The following AGTR1 variants were observed in gnomAD, a reference collection of about 807,000 sequenced individuals.
The protein encoded by AGTR1 is type-1 angiotensin II receptor.
AGTR1 carries 16 observed loss-of-function variants against 19.4 expected under a neutral mutation model. That is an observed-to-expected ratio of 0.82 (90% CI 0.56 to 1.25). The LOEUF (loss-of-function observed/expected upper bound fraction) is 1.25. Ranked by LOEUF, AGTR1 falls within the 50% of genes most tolerant of loss-of-function variation. AGTR1 has a pLI of 0.00. For synonymous variants in AGTR1, 153 were observed against 154.9 expected, an observed-to-expected ratio of 0.99 and a Z score of 0.09; for missense variants, 373 against 431.9, an observed-to-expected ratio of 0.86 and a Z score of 1.21.
In AGTR1 at chr3:148,729,969, G is replaced by A. The variant is rs388915; in HGVS notation, c.-47-11020G>A. 0.69 allele frequency: 198,284 copies of A among 287,234 alleles called. 71,346 individuals carry two copies. Among genetic ancestry groups the A allele is most frequent in the East Asian group, 0.84 (15,312 of 18,126 alleles). The allele number at this position is 287,234 out of a possible 1,614,324, so 17.8% of individuals were successfully genotyped here. A position where few individuals can be genotyped will look rare whatever the true frequency, so the allele number is the denominator to read the frequency against. On this transcript the variant is annotated intron_variant, in intron 2 of 2. Coordinates refer to ENST00000349243, the MANE Select transcript of AGTR1 (RefSeq NM_000685.5). ...CAATTTCTCTTACCCAAATTTGCTC[G>A]CAGGGAAAAAAATAAATTAAATTAG...
chr3:148,715,466 C>T (rs1004484935), intron 2 of AGTR1, among the ~76,000 whole-genome samples: 11 of 152,106 alleles, frequency 7.2e-5, no homozygotes, highest in African/African-American at 1.9e-4. Flanking sequence ...TCTGTGATGT[C>T]ATGTCTCCCC....
intron 2 of AGTR1, among the ~76,000 whole-genome samples, chr3:148,714,582 A>G (rs2640543): frequency 0.56 from 84,469 of 151,928 alleles, 25,683 homozygotes; most frequent in East Asian, 0.83. Context: ...AATGGATGCC[A>G]GAACAGGAGA....
At chr3:148,725,091 C>G (rs934590623) in intron 2 of AGTR1, among the ~76,000 whole-genome samples, 5 of 152,106 alleles carry the variant, frequency 3.3e-5, no homozygotes, top group African/African-American at 1.2e-4. Context: ...TAAAAAACAA[C>G]AATTACCACA....
intron 2 of AGTR1, among the ~76,000 whole-genome samples, chr3:148,724,190 G>A (rs12695892): frequency 0.016 from 2,375 of 152,272 alleles, 72 homozygotes; most frequent in African/African-American, 0.055. Flanking sequence ...TAGCTGAGAA[G>A]TGACCCCGTG....
At chr3:148,728,302 A>AT (rs939289203) in intron 2 of AGTR1, among the ~76,000 whole-genome samples, 1 of 152,236 alleles carries the variant, frequency 6.6e-6, no homozygotes, top group African/African-American at 2.4e-5. Context: ...CACTTGGCAC[A>AT]TAGTAAGCAT....
chr3:148,717,078 A>G (rs991701497), intron 2 of AGTR1, among the ~76,000 whole-genome samples: 1 of 152,176 alleles, frequency 6.6e-6, no homozygotes, highest in Admixed American at 6.6e-5. Flanking sequence ...TGGGGGAGCA[A>G]CTGGTGCCCA....
chr3:148,728,868 A>C (rs1258658756), intron 2 of AGTR1, among the ~76,000 whole-genome samples: 2 of 152,196 alleles, frequency 1.3e-5, no homozygotes, highest in South Asian at 4.1e-4. Context: ...GTTTATAAAA[A>C]CTAGAGAGTG....
chr3:148,712,784 G>T (rs1185699971), intron 2 of AGTR1, among the ~76,000 whole-genome samples: 2 of 152,124 alleles, frequency 1.3e-5, no homozygotes, highest in African/African-American at 4.8e-5. Flanking sequence ...GCAGTAATGG[G>T]TCAGCCGTAT....
At chr3:148,698,506 ACT>A (rs1353751283) in intron 1 of AGTR1, among the ~76,000 whole-genome samples, 1 of 152,106 alleles carries the variant, frequency 6.6e-6, no homozygotes. Flanking sequence ...AGCCGGTATG[ACT>A]CTGCAAGGCG....
chr3:148,725,672 G>A (rs982180814), intron 2 of AGTR1, among the ~76,000 whole-genome samples: 15 of 152,140 alleles, frequency 9.9e-5, no homozygotes, highest in South Asian at 2.1e-4. Context: ...TATTAGAGAC[G>A]GGGTTTCACC....
intron 2 of AGTR1, among the ~76,000 whole-genome samples, chr3:148,717,555 A>G (rs1713373731): frequency 6.6e-6 from 1 of 152,212 alleles, no homozygotes. Context: ...CTGTGCTAGT[A>G]TTTAATTATA....
At chr3:148,738,805 C>G (rs1714711473) in intron 2 of AGTR1, among the ~76,000 whole-genome samples, 1 of 152,192 alleles carries the variant, frequency 6.6e-6, no homozygotes, top group Admixed American at 6.5e-5. Context: ...CTGTGAAACT[C>G]TGCAAGGAGC....
chr3:148,714,709 G>C (rs555235625), intron 2 of AGTR1, among the ~76,000 whole-genome samples: 1 of 152,182 alleles, frequency 6.6e-6, no homozygotes, highest in South Asian at 2.1e-4. Context: ...TTTAGTCATC[G>C]ATGACTGGTT....
intron 2 of AGTR1, among the ~76,000 whole-genome samples, chr3:148,710,900 C>T (rs1443656807): frequency 6.6e-6 from 1 of 152,026 alleles, no homozygotes; most frequent in Non-Finnish European, 1.5e-5. Flanking sequence ...GACACCTCCC[C>T]CCTCTCTCTC....
At chr3:148,717,304 A>C (rs540558965) in intron 2 of AGTR1, among the ~76,000 whole-genome samples, 1 of 152,304 alleles carries the variant, frequency 6.6e-6, no homozygotes, top group South Asian at 2.1e-4. Context: ...AATCCAACAA[A>C]AAAAAATAGG....
intron 2 of AGTR1, among the ~76,000 whole-genome samples, chr3:148,720,204 A>G (rs1255028300): frequency 1.3e-5 from 2 of 152,136 alleles, no homozygotes; most frequent in African/African-American, 4.8e-5. Context: ...CATGTGGTAG[A>G]TGTGTAGGAA....
chr3:148,740,506 T>C (rs1195579211), intron 2 of AGTR1, among the ~76,000 whole-genome samples: 1 of 152,236 alleles, frequency 6.6e-6, no homozygotes, highest in Non-Finnish European at 1.5e-5. Flanking sequence ...ATAATCTTTA[T>C]ACCTAAGTAA....
intron 2 of AGTR1, among the ~76,000 whole-genome samples, chr3:148,733,216 A>G (rs1714388584): frequency 2.6e-5 from 4 of 152,208 alleles, no homozygotes; most frequent in African/African-American, 9.7e-5. Context: ...TTCTTCTGCA[A>G]TCAGAACATT....
chr3:148,721,186 C>A (rs561589564), intron 2 of AGTR1, among the ~76,000 whole-genome samples: 1 of 152,100 alleles, frequency 6.6e-6, no homozygotes. Flanking sequence ...TTATCTTGCT[C>A]GGGAGAGAAA....
Sources: allele counts gnomAD v4.1 joint callset (sites outside exome capture counted in the v4.1 genomes callset), GRCh38; gene constraint gnomAD v4.1.1; transcripts MANE v1.5; gene names NCBI Gene and HGNC (gene_info 2026-07-23, HGNC 2026-07-21).